Variants in PCDH15 observed in about 807,000 individuals in gnomAD.
PCDH15 encodes the protein protocadherin-15.
Under a neutral mutation model 178.5 loss-of-function variants are expected in PCDH15, and 129 were observed. That is an observed-to-expected ratio of 0.72 (90% confidence interval 0.63 to 0.84). The LOEUF is 0.84. PCDH15 is among the 40% of genes least tolerant of loss of function. PCDH15 has a pLI of 0.00. For missense variants in PCDH15, 2,230 were observed against 2,099.9 expected (o/e 1.06, Z -1.21); for synonymous variants, 800 against 732.0 (o/e 1.09, Z -1.50).
At chr10:55,118,996 T>C (rs911708622) in intron 2 of PCDH15, among the ~76,000 whole-genome samples, 3 of 152,186 alleles carry the variant, frequency 2.0e-5, no homozygotes, top group Non-Finnish European at 4.4e-5. Context: ...TTGAGGACCA[T>C]GCTCCCTCTG....
rs552652920 is a variant in PCDH15, at chr10:54,676,575, AT to A, written c.-28-12286del. On this transcript the variant is annotated intron_variant, in intron 1 of 37. Coordinates refer to ENST00000644397, the MANE Select transcript of PCDH15 (RefSeq NM_001384140.1). Reference sequence around the variant, plus strand: ...GAACAAAGCATATGTGGAAATATAAATTATAATTTTCTTCCACTTTATTAAC... The same window carrying A: ...GAACAAAGCATATGTGGAAATATAAATATAATTTTCTTCCACTTTATTAAC... Among the ~76,000 whole-genome samples, 11 of 152,298 alleles carry A rather than the reference AT, an allele frequency of 7.2e-5. No individual in the cohort carries two copies. The East Asian group carries it at 2.1e-3, about 29-fold the overall frequency.
intron 2 of PCDH15, among the ~76,000 whole-genome samples, chr10:55,040,483 A>C (rs1027637358): frequency 1.0e-4 from 14 of 139,676 alleles, no homozygotes; most frequent in Middle Eastern, 3.6e-3. Flanking sequence ...TCAAAAAAAA[A>C]CCAAAACAAC....
intron 18 of PCDH15, among the ~76,000 whole-genome samples, chr10:54,061,451 CT>C: frequency 6.6e-6 from 1 of 152,244 alleles, no homozygotes; most frequent in Non-Finnish European, 1.5e-5. Flanking sequence ...AGAATACTGA[CT>C]TAGAGTCCTC....
At chr10:54,043,824 C>T (rs1036500910) in intron 18 of PCDH15, among the ~76,000 whole-genome samples, 9 of 152,134 alleles carry the variant, frequency 5.9e-5, no homozygotes, top group African/African-American at 2.2e-4. Context: ...TCTGGAACTT[C>T]TAGACTGAAA....
At chr10:54,642,232 A>T (rs2094007698) in intron 2 of PCDH15, among the ~76,000 whole-genome samples, 1 of 152,172 alleles carries the variant, frequency 6.6e-6, no homozygotes, top group Non-Finnish European at 1.5e-5. Flanking sequence ...ATCAGGAAGT[A>T]GGCCATCACC....
intron 2 of PCDH15, among the ~76,000 whole-genome samples, chr10:54,935,875 T>C (rs1239029303): frequency 1.3e-5 from 2 of 152,112 alleles, no homozygotes; most frequent in African/African-American, 4.8e-5. Flanking sequence ...TCTGAAAGCA[T>C]TTTATCATTT....
intron 12 of PCDH15, among the ~76,000 whole-genome samples, chr10:54,184,869 A>G (rs2048347511): frequency 6.6e-6 from 1 of 152,180 alleles, no homozygotes; most frequent in Admixed American, 6.6e-5. Context: ...CTGTTTAGTA[A>G]AGACTGAAAT....
chr10:54,056,573 C>T (rs528189397), intron 18 of PCDH15, among the ~76,000 whole-genome samples: 18 of 152,212 alleles, frequency 1.2e-4, no homozygotes, highest in Admixed American at 3.9e-4. Flanking sequence ...CCCCATGATT[C>T]AATTATCTTC....
At chr10:54,914,102 G>T (rs921341218) in intron 2 of PCDH15, among the ~76,000 whole-genome samples, 1 of 152,184 alleles carries the variant, frequency 6.6e-6, no homozygotes, top group Non-Finnish European at 1.5e-5. Context: ...TGTGAGAAGG[G>T]TGTGAGATTT....
chr10:54,351,778 A>G (rs763017683), intron 5 of PCDH15, among the ~76,000 whole-genome samples: 1 of 152,134 alleles, frequency 6.6e-6, no homozygotes, highest in Non-Finnish European at 1.5e-5. Context: ...GCTTCCATGA[A>G]GAAAAATATG....
intron 2 of PCDH15, among the ~76,000 whole-genome samples, chr10:55,162,431 C>T (rs1159567188): frequency 6.6e-6 from 1 of 152,074 alleles, no homozygotes; most frequent in Non-Finnish European, 1.5e-5. Context: ...ATTCATTTAA[C>T]CGAACAGTAG....
intron 28 of PCDH15, among the ~76,000 whole-genome samples, chr10:53,849,084 G>A (rs2078170135): frequency 6.6e-6 from 1 of 151,998 alleles, no homozygotes; most frequent in South Asian, 2.1e-4. Flanking sequence ...TTATTTGTTT[G>A]TTTGTTTTGG....
chr10:53,983,832 A>G (rs971558307), intron 21 of PCDH15, among the ~76,000 whole-genome samples: 7 of 152,124 alleles, frequency 4.6e-5, no homozygotes, highest in East Asian at 1.9e-4. Flanking sequence ...TAGTGACCCT[A>G]TATTCTATGC....
At chr10:54,089,962 T>G in intron 16 of PCDH15, 22 bp downstream of exon 16, 1 of 1,567,872 alleles carries the variant, frequency 6.4e-7, no homozygotes, top group East Asian at 2.2e-5. Flanking sequence ...TTTTTTAAAG[T>G]AGGAAATCAT....
chr10:55,557,856 T>C (rs1842120802), intron 2 of PCDH15, among the ~76,000 whole-genome samples: 1 of 151,992 alleles, frequency 6.6e-6, no homozygotes, highest in East Asian at 1.9e-4. Context: ...GGTAAAGAGT[T>C]TGGAGGTTTA....
chr10:53,807,996 C>T (rs2075719355), intron 37 of PCDH15: 1 of 151,992 alleles, frequency 6.6e-6, no homozygotes, highest in Non-Finnish European at 1.5e-5. Flanking sequence ...TTCTCATTTT[C>T]AGAACTATAT....
At chr10:55,411,498 A>C (rs1245526701) in intron 2 of PCDH15, among the ~76,000 whole-genome samples, 1 of 152,146 alleles carries the variant, frequency 6.6e-6, no homozygotes, top group Non-Finnish European at 1.5e-5. Flanking sequence ...TCTCCAAGGC[A>C]TAGTTAACAC....
intron 1 of PCDH15, among the ~76,000 whole-genome samples, chr10:55,177,130 G>A (rs1272061043): frequency 1.3e-5 from 2 of 152,096 alleles, no homozygotes; most frequent in Non-Finnish European, 2.9e-5. Context: ...GAGGGAACCA[G>A]GGCATTAGGC....
chr10:55,191,321 C>T (rs1245737650), intron 1 of PCDH15, among the ~76,000 whole-genome samples: 1 of 151,606 alleles, frequency 6.6e-6, no homozygotes, highest in African/African-American at 2.4e-5. Context: ...AGCATAGTTA[C>T]CTATATTATT....
Sources: allele counts gnomAD v4.1 joint callset (sites outside exome capture counted in the v4.1 genomes callset), GRCh38; gene constraint gnomAD v4.1.1; transcripts MANE v1.5; gene names NCBI Gene and HGNC (gene_info 2026-07-23, HGNC 2026-07-21).